Variants in DPYSL5 observed in about 807,000 individuals in gnomAD.
DPYSL5 encodes the protein dihydropyrimidinase-related protein 5.
A neutral mutation model predicts 58.4 loss-of-function variants in DPYSL5; 9 were observed. That is an observed-to-expected ratio of 0.15 (90% CI 0.09 to 0.27). The LOEUF is 0.27. Ranked by LOEUF, DPYSL5 falls within the 10% of genes least tolerant of loss-of-function variation. The probability of loss-of-function intolerance (pLI) is 1.00; values close to 1 mark genes in which losing one functional copy is unlikely to be tolerated. For missense variants in DPYSL5, 499 were observed against 770.6 expected (o/e 0.65, Z 4.17); for synonymous variants, 293 against 301.9 (o/e 0.97, Z 0.31).
chr2:26,856,259 A>T (rs1354632989), intron 1 of DPYSL5, among the ~76,000 whole-genome samples: 1 of 152,164 alleles, frequency 6.6e-6, no homozygotes, highest in African/African-American at 2.4e-5. Context: ...AAAAAAGGGA[A>T]AAAAAGAAAG....
At chr2:26,911,611 C>G (rs1389652739) in intron 2 of DPYSL5, among the ~76,000 whole-genome samples, 1 of 152,034 alleles carries the variant, frequency 6.6e-6, no homozygotes, top group African/African-American at 2.4e-5. Flanking sequence ...CGCATGCTTC[C>G]TCTTGCCTTA....
chr2:26,866,954 G>A (rs576693265), intron 1 of DPYSL5, among the ~76,000 whole-genome samples: 16 of 151,800 alleles, frequency 1.1e-4, no homozygotes, highest in East Asian at 1.9e-4. Flanking sequence ...GGCTGGTCTC[G>A]AACTCCTGAC....
rs1665500616 is a variant in DPYSL5, at chr2:26,946,911, C to T, written c.1611C>T (p.Gly537=). 1 of 1,613,842 alleles carries T rather than the reference C, an allele frequency of 6.2e-7. No individual in the cohort carries two copies. The highest frequency in any genetic ancestry group is 1.1e-5 in the South Asian group (1 of 91,062). Residue 537 remains glycine, a splice_region_variant and synonymous_variant, in exon 13 of 13, where the codon GGC becomes GGT. Transcript: ENST00000288699. ...CCCTCTGTGCTTCCTTCCCTGCAGG[C>T]TCTCAGATCGATGACCATGTTCCAA... ...DLHESSFSLS[G]SQIDDHVPKR... is the part of the protein sequence containing the mutation.
chr2:26,860,173 TA>T (rs1352530463), intron 1 of DPYSL5, among the ~76,000 whole-genome samples: 1 of 152,220 alleles, frequency 6.6e-6, no homozygotes, highest in Non-Finnish European at 1.5e-5. Context: ...TAAGTGGAGC[TA>T]ATGGTATTGT....
At chr2:26,866,867 G>A (rs985966055) in intron 1 of DPYSL5, among the ~76,000 whole-genome samples, 3 of 151,738 alleles carry the variant, frequency 2.0e-5, no homozygotes, top group Admixed American at 6.6e-5. Flanking sequence ...CAGTAGCTGA[G>A]ATTACAGGTG....
At chr2:26,890,323 G>C (rs952455706) in intron 1 of DPYSL5, among the ~76,000 whole-genome samples, 1 of 152,186 alleles carries the variant, frequency 6.6e-6, no homozygotes, top group Admixed American at 6.5e-5. Context: ...TGAAGTTATA[G>C]AACACTTTAG....
At chr2:26,885,452 A>G (rs1192404854) in intron 1 of DPYSL5, among the ~76,000 whole-genome samples, 1 of 152,062 alleles carries the variant, frequency 6.6e-6, no homozygotes, top group Non-Finnish European at 1.5e-5. Flanking sequence ...ATGCTTCATG[A>G]TCTGGTGCAG....
Position 26,947,097 on chromosome 2 carries a change from C to T in DPYSL5, c.*102C>T. 1.9e-6 allele frequency: 2 copies of T among 1,072,594 alleles called. No individual in the cohort carries two copies. Among genetic ancestry groups the T allele is most frequent in the Non-Finnish European group, 1.4e-6 (1 of 726,264 alleles). The allele number at this position is 1,072,594 out of a possible 1,614,324, so 66.4% of individuals were successfully genotyped here. A position where few individuals can be genotyped will look rare whatever the true frequency, so the allele number is the denominator to read the frequency against. On this transcript the variant is annotated 3_prime_UTR_variant, in exon 13 of 13. Transcript: ENST00000288699. The surrounding 1 kb of genome is among the most constrained non-coding windows in gnomAD (Gnocchi z 4.2). ...AGGAGAGGCTGGGCTGGGTGGCACA[C>T]CACCCGAGGGGGGCCCCGGGACCCA... is the stretch of plus-strand genomic sequence containing the variant.
At chr2:26,875,586 AG>A (rs1384331184) in intron 1 of DPYSL5, among the ~76,000 whole-genome samples, 1 of 152,090 alleles carries the variant, frequency 6.6e-6, no homozygotes, top group Non-Finnish European at 1.5e-5. Flanking sequence ...GCAACAGAGG[AG>A]TTGGAGCTTA....
chr2:26,913,159 T>C (rs114546088), intron 2 of DPYSL5, among the ~76,000 whole-genome samples: 2,033 of 152,352 alleles, frequency 0.013, 50 homozygotes, highest in African/African-American at 0.046. Context: ...TTCGCATTGT[T>C]GTGCAACCAT....
At chr2:26,902,073 AG>A (rs1664172931) in intron 2 of DPYSL5, among the ~76,000 whole-genome samples, 2 of 150,726 alleles carry the variant, frequency 1.3e-5, no homozygotes, top group Admixed American at 6.6e-5. Context: ...CGCCCTCCCC[AG>A]GCCCAGAACT....
rs572393881 is a variant in DPYSL5 at position 26,905,921 on chromosome 2, A to G, written c.261+7161A>G. 4.6e-5 allele frequency among the ~76,000 whole-genome samples: 7 copies of G among 152,250 alleles called. No homozygotes were observed. The highest frequency in any genetic ancestry group is 7.2e-5 in the African/African-American group (3 of 41,554). Reference sequence around the variant, plus strand: ...CTCGCAAGCCGCCATCCAGGTGTCAATGGGCTGCATTCTCATCTGGAGTCC... The same window carrying G: ...CTCGCAAGCCGCCATCCAGGTGTCAGTGGGCTGCATTCTCATCTGGAGTCC... On this transcript the variant is annotated intron_variant, in intron 2 of 12. Coordinates refer to ENST00000288699, the MANE Select transcript of DPYSL5 (RefSeq NM_020134.4). The surrounding 1 kb of genome is among the most constrained non-coding windows in gnomAD (Gnocchi z 4.0).
Position 26,934,741 on chromosome 2 carries a change from C to A in DPYSL5, c.947+7C>A, listed in dbSNP as rs140980546. 3.7e-6 allele frequency: 6 copies of A among 1,613,800 alleles called. No homozygotes were observed. In the African/African-American group the frequency reaches 6.7e-5, roughly 18 times the overall value. ...TCATGAGCCTGCTGGCCAAGTAAGG[C>A]GTTTCAGCAGCACATTGCAGGGATG... On this transcript the variant is annotated splice_region_variant and intron_variant, in intron 8 of 12. Transcript: ENST00000288699. This position sits in a 1 kb window ranked among gnomAD's most constrained non-coding sequence, Gnocchi z 4.3.
intron 2 of DPYSL5, among the ~76,000 whole-genome samples, chr2:26,918,040 G>A (rs938402306): frequency 3.3e-5 from 5 of 151,792 alleles, no homozygotes; most frequent in African/African-American, 1.2e-4. Context: ...GGGAGGCTGG[G>A]GCACGAGAAT....
chr2:26,898,813 T>C lies in DPYSL5; in HGVS notation c.261+53T>C. ...TTCCTCTTTGGCTTTTTTATTCTGC[T>C]TCTAGGGCTGCTCCAGACTAGACTC... On this transcript the variant is annotated intron_variant, in intron 2 of 12. Transcript: ENST00000288699. This position sits in a 1 kb window ranked among gnomAD's most constrained non-coding sequence, Gnocchi z 6.1. The C allele has an allele frequency of 1.9e-6, 3 of 1,558,082 alleles. No individual in the cohort carries two copies. Among genetic ancestry groups the C allele is most frequent in the Non-Finnish European group, 2.6e-6 (3 of 1,149,930 alleles).
chr2:26,940,796 G>A (rs1665297449), intron 9 of DPYSL5, among the ~76,000 whole-genome samples: 1 of 151,662 alleles, frequency 6.6e-6, no homozygotes, highest in Non-Finnish European at 1.5e-5. Context: ...TCCAATGAAA[G>A]TACCATACTT....
At chr2:26,865,307 G>A (rs1044367587) in intron 1 of DPYSL5, among the ~76,000 whole-genome samples, 1 of 110,882 alleles carries the variant, frequency 9.0e-6, no homozygotes, top group African/African-American at 3.4e-5. Context: ...ATAGGGTTTT[G>A]TGTTCTTTTT....
intron 1 of DPYSL5, among the ~76,000 whole-genome samples, chr2:26,861,191 C>T (rs1193424502): frequency 1.3e-5 from 2 of 152,098 alleles, no homozygotes; most frequent in Non-Finnish European, 2.9e-5. Flanking sequence ...TTTTGACTGC[C>T]CATTCAAACA....
chr2:26,876,928 C>T (rs963866497), intron 1 of DPYSL5, among the ~76,000 whole-genome samples: 3 of 151,246 alleles, frequency 2.0e-5, no homozygotes, highest in African/African-American at 7.3e-5. Flanking sequence ...GTAACTACCC[C>T]ATTCACCAGT....
Sources: allele counts gnomAD v4.1 joint callset (sites outside exome capture counted in the v4.1 genomes callset), GRCh38; gene constraint gnomAD v4.1.1; non-coding constraint Gnocchi (gnomAD v3.1); transcripts MANE v1.5; gene names NCBI Gene and HGNC (gene_info 2026-07-23, HGNC 2026-07-21).